The following NIBAN2 variants were observed in gnomAD, a reference collection of about 807,000 sequenced individuals.
The protein encoded by NIBAN2 is niban apoptosis regulator 2.
Under a neutral mutation model 81.8 loss-of-function variants are expected in NIBAN2, and 36 were observed. The ratio of observed to expected loss-of-function variants is 0.44; its 90% CI spans 0.34 to 0.58. The LOEUF (loss-of-function observed/expected upper bound fraction) is 0.58. Among genes scored for constraint, NIBAN2 ranks in the 20% least tolerant of loss-of-function variants. The pLI is 0.02. For missense variants in NIBAN2, 897 were observed against 1,014.1 expected, an observed-to-expected ratio of 0.88 and a Z score of 1.57; for synonymous variants, 445 against 441.6, an observed-to-expected ratio of 1.01 and a Z score of -0.10.
intron 5 of NIBAN2, among the ~76,000 whole-genome samples, chr9:127,523,449 C>G (rs1428027613): frequency 6.6e-6 from 1 of 151,354 alleles, no homozygotes; most frequent in Non-Finnish European, 1.5e-5. Flanking sequence ...AACAACCACA[C>G]CCCTCTGTGA....
At position 127,510,029 on chromosome 9, in the gene NIBAN2, G is replaced by C. The variant is rs992473434; in HGVS notation, c.1161+117C>G. On this transcript the variant is annotated intron_variant, in intron 9 of 13. Transcript: ENST00000373312. ...CCCTAGTCCCCAGCAGCCCCTCCCC[G>C]TCTACAGGGACGGCCTTGGAGGGGA... is the stretch of plus-strand genomic sequence containing the variant. 307 of 979,906 alleles carry C rather than the reference G, an allele frequency of 3.1e-4. 1 individual carries two copies. Among genetic ancestry groups the C allele is most frequent in the Middle Eastern group, 4.8e-4 (2 of 4,190 alleles). 60.7% of individuals were successfully genotyped at this position (979,906 alleles called of 1,614,324 possible).
chr9:127,527,449 C>G, intron 2 of NIBAN2, 127 bp from the exon 3 acceptor site: 5 of 885,874 alleles, frequency 5.6e-6, no homozygotes, highest in Middle Eastern at 3.3e-4. Flanking sequence ...CATTTTGGGT[C>G]TCCCCAAGTC....
At chr9:127,541,296 C>A (rs1168310485) in intron 1 of NIBAN2, among the ~76,000 whole-genome samples, 2 of 152,228 alleles carry the variant, frequency 1.3e-5, no homozygotes, top group Non-Finnish European at 2.9e-5. Context: ...CCTACTGTCA[C>A]AATCGACACA....
chr9:127,517,334 T>C lies in NIBAN2; in HGVS notation c.706-118A>G. ...CCCCACCTCCTCCGCGACTGGCCCA[T>C]TGCTTCACCCTCCCTGCTGCCCTCT... On this transcript the variant is annotated intron_variant, in intron 6 of 13. Coordinates refer to ENST00000373312, the MANE Select transcript of NIBAN2 (RefSeq NM_022833.4). The surrounding 1 kb of genome is among the most constrained non-coding windows in gnomAD (Gnocchi z 4.0). 1 of 770,896 alleles carries C rather than the reference T, an allele frequency of 1.3e-6. No homozygotes were observed. Among genetic ancestry groups the C allele is most frequent in the African/African-American group, 1.7e-5 (1 of 57,764 alleles). The allele number at this position is 770,896 out of a possible 1,614,324, so 47.8% of individuals were successfully genotyped here. A position where few individuals can be genotyped will look rare whatever the true frequency, so the allele number is the denominator to read the frequency against.
At chr9:127,515,906 G>A (rs1175997027) in intron 8 of NIBAN2, among the ~76,000 whole-genome samples, 4 of 152,050 alleles carry the variant, frequency 2.6e-5, no homozygotes, top group East Asian at 3.9e-4. Context: ...GGGAAGCCAA[G>A]GTGGGTGGAT....
intron 2 of NIBAN2, among the ~76,000 whole-genome samples, chr9:127,528,891 G>A (rs541282297): frequency 6.6e-6 from 1 of 152,342 alleles, no homozygotes; most frequent in South Asian, 2.1e-4. Context: ...ACAAGGACGG[G>A]CACTCCGGGA....
intron 1 of NIBAN2, among the ~76,000 whole-genome samples, chr9:127,546,837 A>C (rs1837480069): frequency 6.6e-6 from 1 of 151,852 alleles, no homozygotes; most frequent in Admixed American, 6.6e-5. Context: ...AAAAACTACA[A>C]TTACTAGGAG....
chr9:127,561,141 G>A, intron 1 of NIBAN2: 1 of 985,516 alleles, frequency 1.0e-6, no homozygotes, highest in East Asian at 1.1e-4. Context: ...GCTGCGGAGT[G>A]ACTGACCTTG....
chr9:127,507,057 G>T lies in NIBAN2; in HGVS notation c.2029C>A (p.Pro677Thr), dbSNP rs1434513278. The T allele has an allele frequency of 6.3e-7, 1 of 1,578,062 alleles. No individual in the cohort carries two copies. The highest frequency in any genetic ancestry group is 8.6e-7 in the Non-Finnish European group (1 of 1,161,452). The change falls in exon 14 of 14, where the codon CCC becomes ACC. Residue 677 changes from proline to threonine, a missense_variant. Physicochemically the swap from Pro to Thr is conservative, Grantham distance 38. Transcript: ENST00000373312. This position sits in a 1 kb window ranked among gnomAD's most constrained non-coding sequence, Gnocchi z 6.8. ...TTAGGCTGGGGACTCTCCCCAGCGGGGGCCCCGTTGAGCAGGGGGCCGGCT... is the reference window on the plus strand; with the variant it reads ...TTAGGCTGGGGACTCTCCCCAGCGGTGGCCCCGTTGAGCAGGGGGCCGGCT... ...PPAGPLLNGA[P>T]AGESPQPKAA...
intron 3 of NIBAN2, 36 bp downstream of exon 3, chr9:127,527,158 G>C (rs1400274671): frequency 1.9e-6 from 3 of 1,607,690 alleles, no homozygotes; most frequent in African/African-American, 2.7e-5. Context: ...GGAGAAAGCG[G>C]GGAGGCTCAG....
At chr9:127,513,225 TAAAC>T (rs1011682816) in intron 8 of NIBAN2, among the ~76,000 whole-genome samples, 7 of 151,524 alleles carry the variant, frequency 4.6e-5, no homozygotes, top group Middle Eastern at 3.4e-3. Context: ...AACAGACAAA[TAAAC>T]AAGCAGAAAA....
In NIBAN2 at chr9:127,507,728, A is replaced by G; in HGVS notation, c.1654+139T>C. On this transcript the variant is annotated intron_variant, in intron 13 of 13. Coordinates refer to ENST00000373312, the MANE Select transcript of NIBAN2 (RefSeq NM_022833.4). The surrounding 1 kb of genome is among the most constrained non-coding windows in gnomAD (Gnocchi z 6.8). ...GGCTGCTCCGGAGGCCACACAGCGA[A>G]GAGTGGGCTTCACCCAGACCCCAGG... The G allele has an allele frequency of 1.3e-6, 1 of 788,572 alleles. No homozygotes were observed. The highest frequency in any genetic ancestry group is 1.6e-5 in the South Asian group (1 of 61,648). The allele number at this position is 788,572 out of a possible 1,614,324, so 48.8% of individuals were successfully genotyped here. A position where few individuals can be genotyped will look rare whatever the true frequency, so the allele number is the denominator to read the frequency against.
intron 1 of NIBAN2, among the ~76,000 whole-genome samples, chr9:127,544,069 T>A (rs193205860): frequency 6.6e-6 from 1 of 152,328 alleles, no homozygotes; most frequent in African/African-American, 2.4e-5. Context: ...GCAAGCCTGC[T>A]TCTGTTCGCT....
At chr9:127,554,405 T>C (rs1347800461) in intron 1 of NIBAN2, among the ~76,000 whole-genome samples, 1 of 152,048 alleles carries the variant, frequency 6.6e-6, no homozygotes, top group Admixed American at 6.5e-5. Flanking sequence ...CTCTTCCCTC[T>C]TCCCCGCTCC....
intron 3 of NIBAN2, 32 bp downstream of exon 3, chr9:127,527,162 G>A (rs1431470842): frequency 1.9e-6 from 3 of 1,608,518 alleles, no homozygotes; most frequent in African/African-American, 2.7e-5. Flanking sequence ...AAAGCGGGGA[G>A]GCTCAGTGTG....
At chr9:127,518,022 A>ACC in intron 5 of NIBAN2, 81 bp from the exon 6 acceptor site, 1 of 762,278 alleles carries the variant, frequency 1.3e-6, no homozygotes. Flanking sequence ...ACTGACCAAA[A>ACC]CCCCCCCCAC....
chr9:127,533,756 G>A (rs1837225897), intron 1 of NIBAN2, among the ~76,000 whole-genome samples: 1 of 152,268 alleles, frequency 6.6e-6, no homozygotes, highest in Non-Finnish European at 1.5e-5. Flanking sequence ...TCTGGTGTGG[G>A]AGTGGGGAGT....
intron 5 of NIBAN2, among the ~76,000 whole-genome samples, chr9:127,521,042 A>G (rs1043424155): frequency 5.3e-5 from 8 of 152,190 alleles, no homozygotes; most frequent in African/African-American, 1.7e-4. Flanking sequence ...AGCCCTGCTG[A>G]CACCTTGCCC....
intron 4 of NIBAN2, chr9:127,524,849 A>C: frequency 1.9e-6 from 1 of 538,744 alleles, no homozygotes; most frequent in Non-Finnish European, 3.3e-6. Context: ...CAGGTTTACG[A>C]GGGAAGGTCA....
Sources: allele counts gnomAD v4.1 joint callset (sites outside exome capture counted in the v4.1 genomes callset), GRCh38; gene constraint gnomAD v4.1.1; non-coding constraint Gnocchi (gnomAD v3.1); transcripts MANE v1.5; gene names NCBI Gene and HGNC (gene_info 2026-07-23, HGNC 2026-07-21).